The following HIRA variants were observed in gnomAD, a reference collection of about 807,000 sequenced individuals.
HIRA encodes protein HIRA.
Under a neutral mutation model 126.6 loss-of-function variants are expected in HIRA, and 13 were observed. That is an observed-to-expected ratio of 0.10 (90% CI 0.07 to 0.16). The LOEUF is 0.16. HIRA is among the 10% of genes least tolerant of loss of function. HIRA has a pLI of 1.00. For missense variants in HIRA, 834 were observed against 1,314.4 expected (o/e 0.63, Z 5.65); for synonymous variants, 511 against 520.0 (o/e 0.98, Z 0.24).
chr22:19,426,814 A>AT, intron 1 of HIRA, among the ~76,000 whole-genome samples: 1 of 152,358 alleles, frequency 6.6e-6, no homozygotes, highest in South Asian at 2.1e-4. Context: ...GTCTTCAGGC[A>AT]TAAGTCAGGA....
intron 24 of HIRA, among the ~76,000 whole-genome samples, chr22:19,348,424 T>C (rs945968089): frequency 2.1e-4 from 32 of 152,174 alleles, no homozygotes; most frequent in Non-Finnish European, 1.5e-5. Flanking sequence ...ATAACTAAGA[T>C]TATTATGCTA....
intron 24 of HIRA, among the ~76,000 whole-genome samples, chr22:19,338,896 A>G (rs1348463404): frequency 1.3e-5 from 2 of 152,222 alleles, no homozygotes; most frequent in East Asian, 1.9e-4. Context: ...ACAGGTCATC[A>G]AGACAGAAAA....
chr22:19,422,519 C>T (rs2089456861), intron 1 of HIRA, among the ~76,000 whole-genome samples: 1 of 152,114 alleles, frequency 6.6e-6, no homozygotes, highest in South Asian at 2.1e-4. Context: ...GAATCAAGGC[C>T]TTCTAGTAGC....
rs562956050 is a variant in HIRA at position 19,394,498 on chromosome 22, C to T, written c.666G>A (p.Thr222=). The T allele has an allele frequency of 1.9e-6, 3 of 1,613,922 alleles. No homozygotes were observed. The highest frequency in any genetic ancestry group is 4.5e-5 in the East Asian group (2 of 44,876). Reference sequence around the variant, plus strand: ...ACCAGCTGAGCCGCAACACATGGGTCGTTCCTCCACACTGAAAGAAGCATC... The same window carrying T: ...ACCAGCTGAGCCGCAACACATGGGTTGTTCCTCCACACTGAAAGAAGCATC... ...ITKPFDECGG[T]THVLRLSWSP... Residue 222 remains threonine (T), a synonymous_variant, in exon 8 of 25, where the codon ACG becomes ACA. Transcript: ENST00000263208.
intron 15 of HIRA, 28 bp downstream of exon 15, chr22:19,375,603 C>A: frequency 6.2e-7 from 1 of 1,611,848 alleles, no homozygotes; most frequent in Non-Finnish European, 8.5e-7. Flanking sequence ...CCTGCCTGGT[C>A]CTTCAGGGTC....
intron 24 of HIRA, among the ~76,000 whole-genome samples, chr22:19,336,549 A>C (rs2088569043): frequency 6.6e-6 from 1 of 152,268 alleles, no homozygotes; most frequent in African/African-American, 2.4e-5. Context: ...GTGTGTCCAC[A>C]TGATGACTTC....
At chr22:19,422,171 TACAC>T (rs763716204) in intron 1 of HIRA, among the ~76,000 whole-genome samples, 78 of 143,194 alleles carry the variant, frequency 5.4e-4, no homozygotes, top group African/African-American at 1.6e-3. Flanking sequence ...TGTTTATATA[TACAC>T]ACACACACAC....
In HIRA at chr22:19,427,851, A is replaced by G. The variant is rs113079488; in HGVS notation, c.37+3589T>C. On this transcript the variant is annotated intron_variant, in intron 1 of 24. Transcript: ENST00000263208. ...AACATACAAACTCCATATTTCTACAAACTTTAAAACCAGAAACCTAGTTGT... is the reference window on the plus strand; with the variant it reads ...AACATACAAACTCCATATTTCTACAGACTTTAAAACCAGAAACCTAGTTGT... Among the ~76,000 whole-genome samples, 142 of 152,318 alleles carry G rather than the reference A, an allele frequency of 9.3e-4. 1 individual carries two copies. Among genetic ancestry groups the G allele is most frequent in the African/African-American group, 3.2e-3 (132 of 41,562 alleles).
intron 15 of HIRA, among the ~76,000 whole-genome samples, chr22:19,374,815 C>T (rs2089002349): frequency 6.6e-6 from 1 of 152,162 alleles, no homozygotes; most frequent in African/African-American, 2.4e-5. Context: ...GTGTGTCTGC[C>T]CAGGGCTGCT....
intron 15 of HIRA, among the ~76,000 whole-genome samples, chr22:19,370,055 A>T (rs377635434): frequency 5.3e-5 from 8 of 152,094 alleles, no homozygotes; most frequent in African/African-American, 1.9e-4. Flanking sequence ...GCTCACTGCA[A>T]TCTCTGCCTC....
intron 13 of HIRA, among the ~76,000 whole-genome samples, chr22:19,380,391 T>C (rs1221406025): frequency 6.6e-6 from 1 of 152,190 alleles, no homozygotes; most frequent in Non-Finnish European, 1.5e-5. Flanking sequence ...GTTTTATCAC[T>C]GATGTGAAAT....
chr22:19,390,601 CAAAAAAAA>C (rs575050947), intron 9 of HIRA, among the ~76,000 whole-genome samples: 22 of 38,342 alleles, frequency 5.7e-4, no homozygotes, highest in South Asian at 1.8e-3. Flanking sequence ...GACTCTGTCT[CAAAAAAAA>C]AAAAAAAAAA....
At chr22:19,343,907 T>C (rs2088659482) in intron 24 of HIRA, among the ~76,000 whole-genome samples, 1 of 148,444 alleles carries the variant, frequency 6.7e-6, no homozygotes, top group Non-Finnish European at 1.5e-5. Context: ...AGAGAGAGTC[T>C]TGCTATGTTG....
chr22:19,382,153 C>T (rs1431878082), intron 13 of HIRA, among the ~76,000 whole-genome samples: 1 of 152,094 alleles, frequency 6.6e-6, no homozygotes. Flanking sequence ...CGTGTTAGAA[C>T]GTGGGAATCA....
intron 1 of HIRA, among the ~76,000 whole-genome samples, chr22:19,415,827 T>C (rs2089392066): frequency 6.6e-6 from 1 of 152,030 alleles, no homozygotes; most frequent in South Asian, 2.1e-4. Context: ...AAGTGATTTG[T>C]AGGCTTAATG....
intron 24 of HIRA, among the ~76,000 whole-genome samples, chr22:19,341,023 C>G (rs540567466): frequency 5.3e-5 from 8 of 152,252 alleles, no homozygotes; most frequent in African/African-American, 1.9e-4. Flanking sequence ...CTAAAATTCA[C>G]AAGAAACCAC....
chr22:19,355,361 T>C (rs2088801268), intron 21 of HIRA, among the ~76,000 whole-genome samples: 1 of 152,196 alleles, frequency 6.6e-6, no homozygotes. Context: ...ATAAGCATCC[T>C]TACTAATTCA....
At chr22:19,410,398 C>T (rs557539951) in intron 2 of HIRA, among the ~76,000 whole-genome samples, 1 of 152,330 alleles carries the variant, frequency 6.6e-6, no homozygotes, top group East Asian at 1.9e-4. Context: ...GTCTCTGGGG[C>T]TGGGCTTTGC....
chr22:19,346,947 A>G (rs1272025664), intron 24 of HIRA, among the ~76,000 whole-genome samples: 1 of 152,208 alleles, frequency 6.6e-6, no homozygotes, highest in Non-Finnish European at 1.5e-5. Flanking sequence ...AGAAGAAATC[A>G]TGGCCATCAA....
Sources: gnomAD v4.1 joint callset for allele counts (sites outside exome capture counted in the v4.1 genomes callset) on GRCh38, gnomAD v4.1.1 for gene constraint, MANE v1.5 for transcripts, NCBI Gene and HGNC (gene_info 2026-07-23, HGNC 2026-07-21) for gene names.